Variants in KLHL1 observed in about 807,000 individuals in gnomAD.
KLHL1 encodes the protein kelch like family member 1.
In KLHL1, 47 loss-of-function variants were observed where a neutral mutation model predicts 77.7. The observed-to-expected ratio is 0.60, with a 90% CI of 0.48 to 0.77. The LOEUF (loss-of-function observed/expected upper bound fraction) is 0.77. Ranked by LOEUF, KLHL1 falls within the 30% of genes least tolerant of loss-of-function variation. The pLI is 0.00. For synonymous variants in KLHL1, 360 were observed against 325.2 expected (o/e 1.11, Z -1.15); for missense variants, 925 against 910.8 (o/e 1.02, Z -0.20).
chr13:69,759,388 C>T (rs1483961598), intron 7 of KLHL1, among the ~76,000 whole-genome samples: 1 of 152,124 alleles, frequency 6.6e-6, no homozygotes, highest in Non-Finnish European at 1.5e-5. Context: ...GTAGCAGAGA[C>T]TGCATAAACC....
At chr13:69,804,155 C>T (rs1877511988) in intron 6 of KLHL1, among the ~76,000 whole-genome samples, 1 of 152,100 alleles carries the variant, frequency 6.6e-6, no homozygotes, top group South Asian at 2.1e-4. Context: ...ATATATAATA[C>T]AAATACAAAA....
chr13:69,895,791 C>T (rs1304617122), intron 4 of KLHL1, among the ~76,000 whole-genome samples: 7 of 150,844 alleles, frequency 4.6e-5, no homozygotes, highest in African/African-American at 1.7e-4. Flanking sequence ...ACTGCAGCTA[C>T]CATCTCCCAG....
At chr13:69,876,248 T>C (rs556485599) in intron 5 of KLHL1, among the ~76,000 whole-genome samples, 1 of 152,294 alleles carries the variant, frequency 6.6e-6, no homozygotes, top group African/African-American at 2.4e-5. Context: ...TTTATATTGA[T>C]TTACTCTTTC....
At chr13:70,095,727 A>G (rs1887773500) in intron 1 of KLHL1, among the ~76,000 whole-genome samples, 2 of 152,080 alleles carry the variant, frequency 1.3e-5, no homozygotes, top group African/African-American at 4.8e-5. Context: ...AGGACAATAA[A>G]TTATTGTTAA....
Position 69,999,114 on chromosome 13 carries a change from G to A in KLHL1, c.498-23312C>T, listed in dbSNP as rs1401304360. Among the ~76,000 whole-genome samples the A allele has an allele frequency of 2.6e-5, 4 of 152,026 alleles. No homozygotes were observed. In the East Asian group the frequency reaches 7.7e-4, roughly 29 times the overall value. ...AGGATATATTATCTACATGTATTAT[G>A]TAATGTAACATATGTATTATGTAGC... is the stretch of plus-strand genomic sequence containing the variant. On this transcript the variant is annotated intron_variant, in intron 1 of 10. Coordinates refer to ENST00000377844, the MANE Select transcript of KLHL1 (RefSeq NM_020866.3).
At chr13:70,073,827 A>T (rs961339610) in intron 1 of KLHL1, among the ~76,000 whole-genome samples, 1 of 140,514 alleles carries the variant, frequency 7.1e-6, no homozygotes, top group East Asian at 2.1e-4. Flanking sequence ...AGCAAACATA[A>T]TTTTCTTTTT....
intron 7 of KLHL1, among the ~76,000 whole-genome samples, chr13:69,774,039 A>G (rs568775691): frequency 1.3e-5 from 2 of 152,056 alleles, no homozygotes; most frequent in South Asian, 4.1e-4. Context: ...AAAAATAACA[A>G]AAATAATGTT....
intron 3 of KLHL1, among the ~76,000 whole-genome samples, chr13:69,947,825 A>C (rs1273532613): frequency 1.3e-5 from 2 of 152,154 alleles, no homozygotes; most frequent in Admixed American, 1.3e-4. Flanking sequence ...TAGATGTAAA[A>C]AGGCAAAAAG....
At chr13:69,975,921 G>T in intron 1 of KLHL1, 119 bp from the exon 2 acceptor site, 1 of 1,227,258 alleles carries the variant, frequency 8.1e-7, no homozygotes, top group Non-Finnish European at 1.1e-6. Flanking sequence ...ATATATCTGT[G>T]TTTATTTTTA....
intron 3 of KLHL1, among the ~76,000 whole-genome samples, chr13:69,954,201 A>G (rs1015653746): frequency 1.3e-5 from 2 of 151,308 alleles, no homozygotes; most frequent in African/African-American, 2.4e-5. Context: ...TGGTAGTTGC[A>G]TATCAATTCA....
intron 7 of KLHL1, among the ~76,000 whole-genome samples, chr13:69,742,393 A>G (rs1049708830): frequency 6.6e-6 from 1 of 152,188 alleles, no homozygotes; most frequent in African/African-American, 2.4e-5. Context: ...AAAGATGTGC[A>G]GAAATATGAG....
chr13:69,806,606 G>C (rs1338829550), intron 6 of KLHL1, among the ~76,000 whole-genome samples: 2 of 151,584 alleles, frequency 1.3e-5, no homozygotes, highest in Non-Finnish European at 2.9e-5. Flanking sequence ...GAAACAATAA[G>C]ATAGAAACCC....
At chr13:69,894,080 T>C (rs1045033356) in intron 4 of KLHL1, 44 of 152,346 alleles carry the variant, frequency 2.9e-4, no homozygotes, top group African/African-American at 9.6e-4. Flanking sequence ...GTATATGAGA[T>C]AGAGACCCTA....
Position 69,791,510 on chromosome 13 carries a change from A to T in KLHL1, c.1639+5228T>A, listed in dbSNP as rs145415248. On this transcript the variant is annotated intron_variant, in intron 7 of 10. Transcript: ENST00000377844. ...TAAAATAAAAACCAAAGACAGTGTG[A>T]TCACACTACATGATTTTAAAAACTA... Among the ~76,000 whole-genome samples, 127 of 152,352 alleles carry T rather than the reference A, an allele frequency of 8.3e-4. 1 individual carries two copies. Among genetic ancestry groups the T allele is most frequent in the African/African-American group, 3.0e-3 (123 of 41,588 alleles).
At chr13:70,065,981 G>T (rs1006661041) in intron 1 of KLHL1, among the ~76,000 whole-genome samples, 7 of 152,074 alleles carry the variant, frequency 4.6e-5, no homozygotes, top group Non-Finnish European at 7.4e-5. Context: ...TGATTATCTG[G>T]GGGAAATTAA....
intron 6 of KLHL1, among the ~76,000 whole-genome samples, chr13:69,822,197 C>CAA (rs35346749): frequency 4.1e-4 from 32 of 78,320 alleles, no homozygotes; most frequent in Non-Finnish European, 4.9e-4. Context: ...GACTCCATCT[C>CAA]AAAAAAAAAA....
At chr13:69,924,940 C>T (rs1955905476) in intron 4 of KLHL1, among the ~76,000 whole-genome samples, 1 of 152,198 alleles carries the variant, frequency 6.6e-6, no homozygotes, top group Non-Finnish European at 1.5e-5. Context: ...TAGAGCTGCT[C>T]ACCCTCCTGC....
chr13:69,916,605 G>T (rs1187007661), intron 4 of KLHL1, among the ~76,000 whole-genome samples: 1 of 152,034 alleles, frequency 6.6e-6, no homozygotes, highest in African/African-American at 2.4e-5. Flanking sequence ...TGGGGGGAAG[G>T]GGGAGGGATA....
chr13:69,795,940 A>G (rs891067787), intron 7 of KLHL1, among the ~76,000 whole-genome samples: 18 of 152,184 alleles, frequency 1.2e-4, no homozygotes, highest in African/African-American at 4.3e-4. Flanking sequence ...GATGTGCTTA[A>G]TCAATAATGT....
Sources: allele counts gnomAD v4.1 joint callset (sites outside exome capture counted in the v4.1 genomes callset), GRCh38; gene constraint gnomAD v4.1.1; transcripts MANE v1.5; gene names NCBI Gene and HGNC (gene_info 2026-07-23, HGNC 2026-07-21).